Variants in BMPER observed in about 807,000 individuals in gnomAD.
BMPER encodes BMP-binding endothelial regulator protein.
A neutral mutation model predicts 87.3 loss-of-function variants in BMPER; 45 were observed. The observed-to-expected ratio is 0.52, with a 90% confidence interval of 0.41 to 0.66. The LOEUF (loss-of-function observed/expected upper bound fraction) is 0.66, where lower values mean the gene tolerates loss of function less well. Ranked by LOEUF, BMPER falls within the 30% of genes least tolerant of loss-of-function variation. The probability of loss-of-function intolerance (pLI) is 0.00; values close to 1 mark genes in which losing one functional copy is unlikely to be tolerated. For synonymous variants in BMPER, 326 were observed against 316.2 expected (o/e 1.03, Z -0.33); for missense variants, 784 against 867.5 (o/e 0.90, Z 1.21).
At chr7:34,145,087 C>T (rs1423330754) in intron 14 of BMPER, among the ~76,000 whole-genome samples, 1 of 152,226 alleles carries the variant, frequency 6.6e-6, no homozygotes, top group Admixed American at 6.5e-5. Flanking sequence ...AGCCTGTGCC[C>T]TATGCCCTGA....
intron 13 of BMPER, among the ~76,000 whole-genome samples, chr7:34,095,152 A>C (rs1348815356): frequency 6.6e-6 from 1 of 152,250 alleles, no homozygotes; most frequent in Non-Finnish European, 1.5e-5. Flanking sequence ...AATTAATTCC[A>C]TAAGATGAAT....
intron 9 of BMPER, 39 bp from the exon 10 acceptor site, chr7:34,058,020 C>T: frequency 1.3e-6 from 2 of 1,587,962 alleles, no homozygotes; most frequent in Middle Eastern, 1.7e-4. Context: ...CTCCTGTCAG[C>T]CTCCAGCTGC....
chr7:34,107,897 T>G (rs1345195778), intron 13 of BMPER, among the ~76,000 whole-genome samples: 2 of 152,216 alleles, frequency 1.3e-5, no homozygotes, highest in Non-Finnish European at 2.9e-5. Flanking sequence ...GTTTAAATGT[T>G]CTAGACCTCA....
intron 6 of BMPER, among the ~76,000 whole-genome samples, chr7:34,021,119 A>C (rs1463996385): frequency 6.6e-6 from 1 of 152,042 alleles, no homozygotes; most frequent in Non-Finnish European, 1.5e-5. Flanking sequence ...TAATGCAAAT[A>C]CGAGAAGAGC....
At position 34,155,515 on chromosome 7, in the gene BMPER, G is replaced by C. The variant is rs773880136; in HGVS notation, c.*2242G>C. The C allele has an allele frequency of 6.6e-6, 1 of 152,190 alleles. No individual in the cohort carries two copies. The highest frequency in any genetic ancestry group is 2.4e-5 in the African/African-American group (1 of 41,442). The allele number at this position is 152,190 out of a possible 1,614,324, so 9.4% of individuals were successfully genotyped here. ...TCTTGGGTGGGTTGATTACAAGTTT[G>C]TGTGGCATTCCTTTAGCTGGGGATT... On this transcript the variant is annotated 3_prime_UTR_variant, in exon 15 of 15. Transcript: ENST00000649409.
At chr7:34,142,171 A>C (rs181294969) in intron 13 of BMPER, among the ~76,000 whole-genome samples, 1 of 152,356 alleles carries the variant, frequency 6.6e-6, no homozygotes, top group African/African-American at 2.4e-5. Context: ...TCTTGCATAA[A>C]TGTTAACTGG....
intron 6 of BMPER, among the ~76,000 whole-genome samples, chr7:34,035,689 C>G (rs535584791): frequency 7.9e-5 from 12 of 152,122 alleles, no homozygotes; most frequent in Non-Finnish European, 1.5e-4. Flanking sequence ...AACTGAAAAC[C>G]AAACACTTCT....
At chr7:33,943,089 A>T (rs1018887221) in intron 3 of BMPER, among the ~76,000 whole-genome samples, 1 of 152,168 alleles carries the variant, frequency 6.6e-6, no homozygotes, top group Admixed American at 6.5e-5. Context: ...ATTAAACACT[A>T]CATTAATATA....
At chr7:34,132,131 C>G (rs1322503581) in intron 13 of BMPER, among the ~76,000 whole-genome samples, 2 of 152,156 alleles carry the variant, frequency 1.3e-5, no homozygotes, top group African/African-American at 4.8e-5. Context: ...CTTGCTGCCT[C>G]TTCGAGTAGA....
chr7:34,139,737 CA>C (rs1450242751), intron 13 of BMPER, among the ~76,000 whole-genome samples: 1 of 152,146 alleles, frequency 6.6e-6, no homozygotes, highest in Non-Finnish European at 1.5e-5. Flanking sequence ...TAATCCTTCC[CA>C]AACATTTCCT....
At chr7:34,127,947 C>T (rs1412612789) in intron 13 of BMPER, among the ~76,000 whole-genome samples, 7 of 152,150 alleles carry the variant, frequency 4.6e-5, no homozygotes, top group African/African-American at 2.4e-5. Flanking sequence ...TTTCCTGATG[C>T]GTATTTTGAA....
chr7:34,047,838 T>TTCCTTCCTCCCTTC (rs1788027833), intron 7 of BMPER, among the ~76,000 whole-genome samples: 1 of 61,616 alleles, frequency 1.6e-5, no homozygotes, highest in African/African-American at 6.7e-5. Context: ...TTTCTTGCTT[T>TTCCTTCCTCCCTTC]CTTTCTCTTT....
At chr7:34,028,601 G>GGTTT (rs1787426612) in intron 6 of BMPER, among the ~76,000 whole-genome samples, 21 of 36,062 alleles carry the variant, frequency 5.8e-4, no homozygotes, top group Admixed American at 1.7e-3. Flanking sequence ...CATTTTTTCT[G>GGTTT]TTTTTTTTTT....
chr7:33,995,813 A>G lies in BMPER; in HGVS notation c.576+21029A>G, dbSNP rs529041769. Among the ~76,000 whole-genome samples, 25 of 152,286 alleles carry G rather than the reference A, an allele frequency of 1.6e-4. 2 individuals are homozygous for G. The South Asian group carries it at 5.0e-3, about 30-fold the overall frequency. The stretch of plus-strand genomic sequence containing the variant: ...CTATGAATTGGGGTCCCATGTTCAG[A>G]GTCTTACAGTCAGGGGCCACCTCAC... On this transcript the variant is annotated intron_variant, in intron 6 of 14. Coordinates refer to ENST00000649409, the MANE Select transcript of BMPER (RefSeq NM_001365308.1).
intron 13 of BMPER, among the ~76,000 whole-genome samples, chr7:34,094,380 T>G (rs1562739645): frequency 6.6e-6 from 1 of 152,068 alleles, no homozygotes; most frequent in African/African-American, 2.4e-5. Flanking sequence ...GGGGTGGGCC[T>G]GGGGGTGGCC....
At chr7:34,145,362 C>T (rs1286581996) in intron 14 of BMPER, among the ~76,000 whole-genome samples, 1 of 152,154 alleles carries the variant, frequency 6.6e-6, no homozygotes, top group Non-Finnish European at 1.5e-5. Flanking sequence ...AAACCCAAGT[C>T]CAATCTTTAT....
upstream of BMPER, chr7:33,905,419 G>GCCCC: frequency 9.1e-6 from 1 of 110,388 alleles, no homozygotes; most frequent in Admixed American, 1.0e-4. Flanking sequence ...CTCCCCGGGC[G>GCCCC]CCCCCACACC....
At chr7:33,970,746 T>C (rs182209172) in intron 5 of BMPER, among the ~76,000 whole-genome samples, 1 of 152,304 alleles carries the variant, frequency 6.6e-6, no homozygotes, top group Non-Finnish European at 1.5e-5. Flanking sequence ...CTGCTTCATA[T>C]TGCAAAATCC....
Position 34,004,124 on chromosome 7 carries a change from C to G in BMPER, c.576+29340C>G, listed in dbSNP as rs191438011. 1.9e-3 allele frequency among the ~76,000 whole-genome samples: 296 copies of G among 152,182 alleles called. 4 individuals carry two copies. Among genetic ancestry groups the G allele is most frequent in the African/African-American group, 6.5e-3 (269 of 41,562 alleles). On this transcript the variant is annotated intron_variant, in intron 6 of 14. Coordinates refer to ENST00000649409, the MANE Select transcript of BMPER (RefSeq NM_001365308.1). ...TTCTGTTCCTTGGACTAAATAATGT[C>G]AAATGTTTTGTCCTCAAATTCATTT...
Sources: gnomAD v4.1 joint callset for allele counts (sites outside exome capture counted in the v4.1 genomes callset) on GRCh38, gnomAD v4.1.1 for gene constraint, MANE v1.5 for transcripts, NCBI Gene and HGNC (gene_info 2026-07-23, HGNC 2026-07-21) for gene names.